RUNDC3A: variants seen among roughly 807,000 people sequenced by gnomAD.
RUNDC3A encodes RUN domain-containing protein 3A.
RUNDC3A carries 28 observed loss-of-function variants against 53.9 expected under a neutral mutation model. The observed-to-expected ratio is 0.52, with a 90% confidence interval of 0.38 to 0.71. RUNDC3A has a LOEUF of 0.71. RUNDC3A is among the 30% of genes least tolerant of loss of function. The probability of loss-of-function intolerance (pLI) is 0.00; values close to 1 mark genes in which losing one functional copy is unlikely to be tolerated. For missense variants in RUNDC3A, 491 were observed against 597.3 expected (o/e 0.82, Z 1.85); for synonymous variants, 232 against 249.4 (o/e 0.93, Z 0.66).
At chr17:44,317,235 C>A (rs1489800417) in intron 10 of RUNDC3A, 1 of 591,668 alleles carries the variant, frequency 1.7e-6, no homozygotes, top group Non-Finnish European at 3.0e-6. Context: ...CAGCATAAAT[C>A]TGGCTGTGCC....
Position 44,318,337 on chromosome 17 carries a change from G to A in RUNDC3A, c.*99G>A, listed in dbSNP as rs2047917015. On this transcript the variant is annotated 3_prime_UTR_variant, in exon 11 of 11. Transcript: ENST00000426726. Reference sequence around the variant, plus strand: ...CCCCAATCCAGGCTACCCTTCCAGAGAACGCTACCCACCCAGCCAGGGTTC... The same window carrying A: ...CCCCAATCCAGGCTACCCTTCCAGAAAACGCTACCCACCCAGCCAGGGTTC... 1 of 1,300,774 alleles carries A rather than the reference G, an allele frequency of 7.7e-7. No homozygotes were observed. Among genetic ancestry groups the A allele is most frequent in the Admixed American group, 2.1e-5 (1 of 48,244 alleles). The allele number at this position is 1,300,774 out of a possible 1,614,324, so 80.6% of individuals were successfully genotyped here. A position where few individuals can be genotyped will look rare whatever the true frequency, so the allele number is the denominator to read the frequency against.
intron 10 of RUNDC3A, 92 bp downstream of exon 10, chr17:44,316,817 A>AT: frequency 1.9e-6 from 1 of 535,204 alleles, no homozygotes; most frequent in South Asian, 2.4e-5. Flanking sequence ...TCATTCTCTT[A>AT]GTCTTTTTTT....
chr17:44,318,094 A>C lies in RUNDC3A; in HGVS notation c.1199-2A>C. On this transcript the variant is annotated splice_acceptor_variant, in intron 10 of 10. Transcript: ENST00000426726. LOFTEE classifies it high-confidence loss of function. ...TTGGCCTCACCTGCCCTCTCTCCCC[A>C]GGGAAGGACCCCACGCCCTCCATGC... 6.4e-7 allele frequency: 1 copy of C among 1,551,018 alleles called. No homozygotes were observed. The highest frequency in any genetic ancestry group is 8.7e-7 in the Non-Finnish European group (1 of 1,146,586).
intron 1 of RUNDC3A, among the ~76,000 whole-genome samples, chr17:44,311,727 G>A (rs988143261): frequency 6.6e-6 from 1 of 152,164 alleles, no homozygotes; most frequent in African/African-American, 2.4e-5. Flanking sequence ...CAGGGGTAGT[G>A]ACTGCAGAGG....
chr17:44,313,033 T>G, intron 2 of RUNDC3A, 71 bp from the exon 3 acceptor site: 1 of 1,535,246 alleles, frequency 6.5e-7, no homozygotes, highest in Admixed American at 1.7e-5. Flanking sequence ...CTTATGCATG[T>G]GAGTGCCTCA....
At chr17:44,317,933 A>G in intron 10 of RUNDC3A, 163 bp from the exon 11 acceptor site, 1 of 657,250 alleles carries the variant, frequency 1.5e-6, no homozygotes, top group Non-Finnish European at 2.6e-6. Context: ...TGCCTGGCAC[A>G]GGCAGGTGCT....
Position 44,315,332 on chromosome 17 carries a change from C to G in RUNDC3A, c.795+12C>G. 3 of 1,187,222 alleles carry G rather than the reference C, an allele frequency of 2.5e-6. No homozygotes were observed. Among genetic ancestry groups the G allele is most frequent in the Non-Finnish European group, 3.2e-6 (3 of 937,378 alleles). 73.5% of individuals were successfully genotyped at this position (1,187,222 alleles called of 1,614,324 possible). A position where few individuals can be genotyped will look rare whatever the true frequency, so the allele number is the denominator to read the frequency against. On this transcript the variant is annotated intron_variant, in intron 7 of 10. Transcript: ENST00000426726. This position sits in a 1 kb window ranked among gnomAD's most constrained non-coding sequence, Gnocchi z 6.1. The stretch of plus-strand genomic sequence containing the variant: ...TCTACGCGCAGAAGGTGCGCGACGC[C>G]GGCGGGCCCGGGGGGCGGGCGGGCC...
At position 44,308,798 on chromosome 17, in the gene RUNDC3A, G is replaced by A. The variant is rs1256898683; in HGVS notation, c.-35G>A. On this transcript the variant is annotated 5_prime_UTR_variant, in exon 1 of 11. Transcript: ENST00000426726. ...TTGGGGCTCCGGGAGGGGTGGGGGG[G>A]CAGCGGGCGGCGGCAGCAGTGGCCG... 2 of 1,379,650 alleles carry A rather than the reference G, an allele frequency of 1.4e-6. 1 individual carries two copies. Among genetic ancestry groups the A allele is most frequent in the South Asian group, 2.6e-5 (2 of 77,122 alleles). 85.5% of individuals were successfully genotyped at this position (1,379,650 alleles called of 1,614,324 possible). A position where few individuals can be genotyped will look rare whatever the true frequency, so the allele number is the denominator to read the frequency against.
intron 1 of RUNDC3A, chr17:44,311,402 A>T: frequency 1.1e-6 from 1 of 943,454 alleles, no homozygotes; most frequent in Non-Finnish European, 1.3e-6. Flanking sequence ...ACTACTCATA[A>T]GCCATGTGAC....
intron 8 of RUNDC3A, among the ~76,000 whole-genome samples, chr17:44,316,012 C>T (rs2047855070): frequency 6.6e-6 from 1 of 152,086 alleles, no homozygotes; most frequent in Non-Finnish European, 1.5e-5. Flanking sequence ...CCCGACCTCA[C>T]CCCTGCCGAT....
At chr17:44,313,574 T>TG (rs2047792584) in intron 4 of RUNDC3A, 71 bp downstream of exon 4, 1 of 1,539,018 alleles carries the variant, frequency 6.5e-7, no homozygotes, top group African/African-American at 1.4e-5. Flanking sequence ...CAGCTGATCC[T>TG]TAAGTTCCTG....
Position 44,316,258 on chromosome 17 carries a change from C to G in RUNDC3A, c.954-127C>G, listed in dbSNP as rs1034757262. 3 of 868,926 alleles carry G rather than the reference C, an allele frequency of 3.5e-6. No individual in the cohort carries two copies. In the African/African-American group the frequency reaches 5.0e-5, roughly 15 times the overall value. The allele number at this position is 868,926 out of a possible 1,614,324, so 53.8% of individuals were successfully genotyped here. A position where few individuals can be genotyped will look rare whatever the true frequency, so the allele number is the denominator to read the frequency against. ...TCCTCCCGGGATCTGGCCCACTGAC[C>G]CCAACACCGTATCCCCATTTTTGCC... On this transcript the variant is annotated intron_variant, in intron 8 of 10. Transcript: ENST00000426726.
intron 1 of RUNDC3A, among the ~76,000 whole-genome samples, chr17:44,312,324 A>C (rs1598324436): frequency 6.6e-6 from 1 of 151,040 alleles, no homozygotes; most frequent in East Asian, 2.0e-4. Flanking sequence ...TCTGGCTGTC[A>C]CCTCTCCTGT....
chr17:44,313,300 G>A (rs768336940), intron 3 of RUNDC3A, 48 bp downstream of exon 3: 1 of 1,608,602 alleles, frequency 6.2e-7, no homozygotes, highest in African/African-American at 1.3e-5. Flanking sequence ...GACACAGGGG[G>A]CCTGCCTGTT....
At chr17:44,309,356 G>A (rs2047705210) in intron 1 of RUNDC3A, among the ~76,000 whole-genome samples, 1 of 152,174 alleles carries the variant, frequency 6.6e-6, no homozygotes, top group African/African-American at 2.4e-5. Context: ...ACCTCTCTGG[G>A]GTGGGGTTCT....
In RUNDC3A at chr17:44,308,857, A is replaced by C; in HGVS notation, c.25A>C (p.Thr9Pro). The C allele has an allele frequency of 6.2e-7, 1 of 1,611,026 alleles. No homozygotes were observed. The highest frequency in any genetic ancestry group is 8.5e-7 in the Non-Finnish European group (1 of 1,178,516). MEASFVQT[T>P]MALGLSSKKA... ...GATGGAAGCGAGCTTTGTCCAGACC[A>C]CCATGGCTCTGGGGCTGTCCTCCAA... The change falls in exon 1 of 11, where the codon ACC (threonine) becomes CCC (proline). Residue 9 changes from threonine (T) to proline (P), a missense_variant. Transcript: ENST00000426726.
At chr17:44,314,190 AGTCCTTAT>A (rs2047806684) in intron 4 of RUNDC3A, 1 of 995,582 alleles carries the variant, frequency 1.0e-6, no homozygotes, top group African/African-American at 1.7e-5. Flanking sequence ...ACGGACACAG[AGTCCTTAT>A]ATGGGGAGTT....
chr17:44,308,908 G>GTGGAGC lies in RUNDC3A; in HGVS notation c.77_82dup (p.Glu27_Arg28insLeuGlu). 1.9e-6 allele frequency: 3 copies of GTGGAGC among 1,611,008 alleles called. No homozygotes were observed. The highest frequency in any genetic ancestry group is 2.5e-6 in the Non-Finnish European group (3 of 1,178,584). On this transcript the variant is annotated inframe_insertion, in exon 1 of 11. Transcript: ENST00000426726. ...GAAAGCGTCCTCTCGCAACGTGGCTGTGGAGCGTAAGAACCTGATCACCGT... is the reference window on the plus strand; with the variant it reads ...GAAAGCGTCCTCTCGCAACGTGGCTGTGGAGCTGGAGCGTAAGAACCTGATCACCGT...
Position 44,318,348 on chromosome 17 carries a change from A to C in RUNDC3A, c.*110A>C. 3 of 1,185,510 alleles carry C rather than the reference A, an allele frequency of 2.5e-6. No individual in the cohort carries two copies. Among genetic ancestry groups the C allele is most frequent in the South Asian group, 1.5e-5 (1 of 66,470 alleles). The allele number at this position is 1,185,510 out of a possible 1,614,324, so 73.4% of individuals were successfully genotyped here. A position where few individuals can be genotyped will look rare whatever the true frequency, so the allele number is the denominator to read the frequency against. On this transcript the variant is annotated 3_prime_UTR_variant, in exon 11 of 11. Transcript: ENST00000426726. ...GCTACCCTTCCAGAGAACGCTACCC[A>C]CCCAGCCAGGGTTCTCTCGGGGAAG...
Sources: gnomAD v4.1 joint callset for allele counts (sites outside exome capture counted in the v4.1 genomes callset) on GRCh38, gnomAD v4.1.1 for gene constraint, Gnocchi (gnomAD v3.1) non-coding constraint, MANE v1.5 for transcripts, NCBI Gene and HGNC (gene_info 2026-07-23, HGNC 2026-07-21) for gene names.